Variants in TENT4A observed in about 807,000 individuals in gnomAD.
The protein encoded by TENT4A is terminal nucleotidyltransferase 4A, also known as DNA polymerase kappa.
Under a neutral mutation model 72.8 loss-of-function variants are expected in TENT4A, and 7 were observed. The ratio of observed to expected loss-of-function variants is 0.10; its 90% CI spans 0.05 to 0.18. TENT4A has a LOEUF of 0.18. TENT4A is among the 10% of genes least tolerant of loss of function. The pLI is 1.00. For missense variants in TENT4A, 831 were observed against 1,017.7 expected, an observed-to-expected ratio of 0.82 and a Z score of 2.50; for synonymous variants, 456 against 434.3, an observed-to-expected ratio of 1.05 and a Z score of -0.62.
intron 1 of TENT4A, among the ~76,000 whole-genome samples, chr5:6,736,273 A>T (rs1741488486): frequency 6.6e-6 from 1 of 152,196 alleles, no homozygotes; most frequent in Non-Finnish European, 1.5e-5. Context: ...GCAATACTTT[A>T]GGTGACTGAC....
At chr5:6,748,701 T>A (rs1742238853) in intron 8 of TENT4A, 111 bp downstream of exon 8, 1 of 1,138,298 alleles carries the variant, frequency 8.8e-7, no homozygotes, top group African/African-American at 1.5e-5. Flanking sequence ...TCTGCCGTAT[T>A]TCAGTAGAAT....
chr5:6,746,517 C>A, intron 7 of TENT4A, 90 bp downstream of exon 7: 2 of 1,188,890 alleles, frequency 1.7e-6, no homozygotes, highest in South Asian at 2.6e-5. Context: ...CTGAGAGCCC[C>A]GGGCAGTTCA....
At chr5:6,735,123 C>G (rs1270159143) in intron 1 of TENT4A, among the ~76,000 whole-genome samples, 1 of 152,160 alleles carries the variant, frequency 6.6e-6, no homozygotes, top group Non-Finnish European at 1.5e-5. Context: ...AATTGGAATG[C>G]CCTGTTTACA....
At chr5:6,734,149 G>A (rs1741347651) in intron 1 of TENT4A, among the ~76,000 whole-genome samples, 1 of 152,258 alleles carries the variant, frequency 6.6e-6, no homozygotes, top group Admixed American at 6.5e-5. Context: ...TCCATCCACA[G>A]ATGGCCTCCA....
intron 9 of TENT4A, among the ~76,000 whole-genome samples, 173 bp downstream of exon 9, chr5:6,749,830 T>C (rs1742298452): frequency 6.6e-6 from 1 of 152,184 alleles, no homozygotes; most frequent in Non-Finnish European, 1.5e-5. Flanking sequence ...GTAGAAGCAA[T>C]ATAATGCATG....
In TENT4A at chr5:6,714,126, TGGACACGGC is replaced by T; in HGVS notation, c.146_154del (p.Asp49_Ala51del). ...TATTTCTGCCTCAACTCGCCGGCGC[TGGACACGGC>T]GGCCGCGGCGGGGGCGGCCGGGCGG... On this transcript the variant is annotated inframe_deletion, in exon 1 of 13. Coordinates refer to ENST00000230859, the MANE Select transcript of TENT4A (RefSeq NM_006999.6). The T allele has an allele frequency of 2.1e-6, 2 of 972,904 alleles. No individual in the cohort carries two copies. The highest frequency in any genetic ancestry group is 2.4e-6 in the Non-Finnish European group (2 of 824,846). The allele number at this position is 972,904 out of a possible 1,614,324, so 60.3% of individuals were successfully genotyped here.
chr5:6,742,461 A>C (rs1282063757), intron 4 of TENT4A, 29 bp from the exon 5 acceptor site: 1 of 1,425,810 alleles, frequency 7.0e-7, no homozygotes, highest in South Asian at 1.1e-5. Flanking sequence ...CTGCATGTTA[A>C]AGCAGTTTTT....
At chr5:6,728,219 A>T (rs757719336) in intron 1 of TENT4A, among the ~76,000 whole-genome samples, 1 of 152,108 alleles carries the variant, frequency 6.6e-6, no homozygotes, top group Non-Finnish European at 1.5e-5. Flanking sequence ...CATCAGACTC[A>T]GTGAAGCATG....
intron 1 of TENT4A, among the ~76,000 whole-genome samples, chr5:6,728,214 G>C (rs974401435): frequency 6.6e-6 from 1 of 152,142 alleles, no homozygotes; most frequent in Non-Finnish European, 1.5e-5. Context: ...GGTTTCATCA[G>C]ACTCAGTGAA....
In TENT4A at chr5:6,714,171, G is replaced by T. The variant is rs1208450457; in HGVS notation, c.188G>T (p.Gly63Val). 7.2e-6 allele frequency: 7 copies of T among 967,662 alleles called. No homozygotes were observed. Among genetic ancestry groups the T allele is most frequent in the Non-Finnish European group, 8.5e-6 (7 of 819,066 alleles). 59.9% of individuals were successfully genotyped at this position (967,662 alleles called of 1,614,324 possible). ...GGGGCGGCCGGGCGGGGCAGTGGCG[G>T]CCTGGGCCCCGCGCTGCCCGCCGCG... The part of the protein sequence containing the change: ...AAGAAGRGSG[G>V]LGPALPAASP... The change falls in exon 1 of 13, where the codon GGC (glycine) becomes GTC (valine). Residue 63 changes from glycine to valine, a missense_variant. Physicochemically the swap from Gly to Val is moderately radical, Grantham distance 109. Transcript: ENST00000230859.
rs28381414 is a variant in TENT4A at position 6,750,272 on chromosome 5, G to T, written c.1688-59G>T. 804 of 1,436,088 alleles carry T rather than the reference G, an allele frequency of 5.6e-4. 10 individuals carry two copies. In the South Asian group the frequency reaches 0.011, roughly 19 times the overall value. 89.0% of individuals were successfully genotyped at this position (1,436,088 alleles called of 1,614,324 possible). Reference sequence around the variant, plus strand: ...AGCAGAGCCCGTGACTGATGCTGCCGGGGCGGCTCCACGCCGCAGTTCTCA... The same window carrying T: ...AGCAGAGCCCGTGACTGATGCTGCCTGGGCGGCTCCACGCCGCAGTTCTCA... On this transcript the variant is annotated intron_variant, in intron 9 of 12. Coordinates refer to ENST00000230859, the MANE Select transcript of TENT4A (RefSeq NM_006999.6).
At chr5:6,718,902 G>T (rs1015635499) in intron 1 of TENT4A, among the ~76,000 whole-genome samples, 1 of 151,990 alleles carries the variant, frequency 6.6e-6, no homozygotes, top group Non-Finnish European at 1.5e-5. Context: ...GGGCATGACA[G>T]ACTCTGGAAA....
intron 1 of TENT4A, among the ~76,000 whole-genome samples, chr5:6,727,075 A>G (rs6865483): frequency 0.23 from 34,666 of 151,744 alleles, 4,362 homozygotes; most frequent in Non-Finnish European, 0.29. Context: ...CCTTGTCGCC[A>G]TCCACCCTGT....
chr5:6,714,685 C>A lies in TENT4A; in HGVS notation c.702C>A (p.Ser234Arg). 8.4e-7 allele frequency: 1 copy of A among 1,194,334 alleles called. No homozygotes were observed. The highest frequency in any genetic ancestry group is 1.0e-6 in the Non-Finnish European group (1 of 963,666). 74.0% of individuals were successfully genotyped at this position (1,194,334 alleles called of 1,614,324 possible). A position where few individuals can be genotyped will look rare whatever the true frequency, so the allele number is the denominator to read the frequency against. Residue 234 changes from serine (S) to arginine (R), a missense_variant, in exon 1 of 13, where the codon AGC becomes AGA. By Grantham distance (110) the Ser-to-Arg change is moderately radical. Around this residue, in one of 3 missense-constraint regions of TENT4A, gnomAD observed 302 missense variants for 293.8 expected, o/e 1.03. Coordinates refer to ENST00000230859, the MANE Select transcript of TENT4A (RefSeq NM_006999.6). ...PGTPWKSRAYSPGIQGLHEEI... is the reference protein window; with the variant it reads ...PGTPWKSRAYRPGIQGLHEEI... ...CCCCGTGGAAGAGCCGCGCGTACAG[C>A]CCGGGCATCCAGGGGTGAGTGCGCG...
At chr5:6,724,576 A>T (rs1408153868) in intron 1 of TENT4A, among the ~76,000 whole-genome samples, 2 of 152,148 alleles carry the variant, frequency 1.3e-5, no homozygotes, top group Non-Finnish European at 2.9e-5. Flanking sequence ...CCGAGACCAC[A>T]CTCTAAAGGG....
chr5:6,737,376 T>C (rs929716210), intron 1 of TENT4A, 134 bp from the exon 2 acceptor site: 2 of 764,694 alleles, frequency 2.6e-6, no homozygotes, highest in African/African-American at 3.5e-5. Flanking sequence ...TTTCATTTTA[T>C]ACTTTCAGAG....
At chr5:6,720,675 A>AAATAAATAAAT (rs1740602181) in intron 1 of TENT4A, among the ~76,000 whole-genome samples, 1 of 140,124 alleles carries the variant, frequency 7.1e-6, no homozygotes, top group Non-Finnish European at 1.5e-5. Context: ...ACTCTGTCTC[A>AAATAAATAAAT]AAATAAATAA....
At position 6,751,151 on chromosome 5, in the gene TENT4A, C is replaced by A. The variant is rs768386108; in HGVS notation, c.1973C>A (p.Pro658His). 1 of 1,614,240 alleles carries A rather than the reference C, an allele frequency of 6.2e-7. No homozygotes were observed. Among genetic ancestry groups the A allele is most frequent in the Non-Finnish European group, 8.5e-7 (1 of 1,180,048 alleles). The change falls in exon 11 of 13, where the codon CCT (proline) becomes CAT (histidine). Residue 658 changes from proline (P) to histidine (H), a missense_variant. Physicochemically the swap from Pro to His is moderately conservative, Grantham distance 77. This residue lies in a region of TENT4A where 332 missense variants were observed against 324.3 expected (regional missense o/e 1.02). Coordinates refer to ENST00000230859, the MANE Select transcript of TENT4A (RefSeq NM_006999.6). Reference protein sequence around the residue: ...PTALPMPSGKPQPTTSRTLIM... With the variant: ...PTALPMPSGKHQPTTSRTLIM... The stretch of plus-strand genomic sequence containing the variant: ...GCCTTGCCAATGCCCAGTGGCAAAC[C>A]TCAGCCCACCACTTCCAGAACACTG...
chr5:6,738,763 G>A, intron 3 of TENT4A, 34 bp downstream of exon 3: 2 of 1,527,602 alleles, frequency 1.3e-6, no homozygotes, highest in Non-Finnish European at 9.1e-7. Flanking sequence ...GGGCTAGTGG[G>A]GGGCTGGGAT....
Sources: gnomAD v4.1 joint callset for allele counts (sites outside exome capture counted in the v4.1 genomes callset) on GRCh38, gnomAD v4.1.1 for gene constraint, gnomAD v4.1.1 regional missense constraint, MANE v1.5 for transcripts, NCBI Gene and HGNC (gene_info 2026-07-23, HGNC 2026-07-21) for gene names.